VWA8: variants seen among roughly 807,000 people sequenced by gnomAD.
The protein encoded by VWA8 is von Willebrand factor A domain containing 8, also known as von Willebrand factor A domain-containing protein 8.
Under a neutral mutation model 241.5 loss-of-function variants are expected in VWA8, and 221 were observed. That is an observed-to-expected ratio of 0.91 (90% CI 0.82 to 1.02). The LOEUF is 1.02. Ranked by LOEUF, VWA8 falls within the 50% of genes least tolerant of loss-of-function variation. VWA8 has a pLI of 0.00. For synonymous variants in VWA8, 852 were observed against 827.1 expected (o/e 1.03, Z -0.52); for missense variants, 2,322 against 2,328.7 (o/e 1.00, Z 0.06).
intron 2 of VWA8, among the ~76,000 whole-genome samples, chr13:41,947,228 G>C (rs772348026): frequency 2.0e-5 from 3 of 152,154 alleles, no homozygotes; most frequent in Non-Finnish European, 2.9e-5. Context: ...ACATATCATT[G>C]ATTTATTTTT....
At position 41,604,199 on chromosome 13, in the gene VWA8, G is replaced by C. The variant is rs571304905; in HGVS notation, c.4986+969C>G. On this transcript the variant is annotated intron_variant, in intron 40 of 44. Transcript: ENST00000379310. The stretch of plus-strand genomic sequence containing the variant: ...CTGGTGCTCTCAATGTCCAGGGAAA[G>C]GAACACTTGTCAAATGAGTGACTAT... Among the ~76,000 whole-genome samples, 91 of 152,212 alleles carry C rather than the reference G, an allele frequency of 6.0e-4. 1 individual carries two copies. The highest frequency in any genetic ancestry group is 1.9e-3 in the African/African-American group (79 of 41,534).
rs907104657 is a variant in VWA8 at position 41,872,150 on chromosome 13, GTTGT to G, written c.1081-3677_1081-3674del. ...TGTCCTTCACCCACTTTTTGATGGG[GTTGT>G]TTGTTTTTTTCTTGTAAATTTGTTT... On this transcript the variant is annotated intron_variant, in intron 9 of 44. Transcript: ENST00000379310. 4.8e-3 allele frequency among the ~76,000 whole-genome samples: 736 copies of G among 152,228 alleles called. 5 individuals carry two copies. The highest frequency in any genetic ancestry group is 0.016 in the African/African-American group (679 of 41,538).
At chr13:41,825,562 C>T (rs73183400) in intron 14 of VWA8, among the ~76,000 whole-genome samples, 1,864 of 152,164 alleles carry the variant, frequency 0.012, 12 homozygotes, top group East Asian at 0.02. Context: ...AGTGATACCC[C>T]CCGAGCATCG....
chr13:41,752,445 A>C (rs2045663252), intron 21 of VWA8, among the ~76,000 whole-genome samples: 1 of 152,162 alleles, frequency 6.6e-6, no homozygotes, highest in Admixed American at 6.6e-5. Flanking sequence ...CTGACAAGCA[A>C]GCTGTACTAG....
At chr13:41,743,402 C>G (rs1404354632) in intron 21 of VWA8, among the ~76,000 whole-genome samples, 1 of 152,194 alleles carries the variant, frequency 6.6e-6, no homozygotes, top group East Asian at 1.9e-4. Flanking sequence ...GTCCCATTAG[C>G]TGTTGGCTGT....
intron 37 of VWA8, among the ~76,000 whole-genome samples, chr13:41,666,437 G>A (rs2044986631): frequency 6.6e-6 from 1 of 152,058 alleles, no homozygotes; most frequent in African/African-American, 2.4e-5. Context: ...TTGCTGTTAG[G>A]TAACTGCCAT....
intron 37 of VWA8, among the ~76,000 whole-genome samples, chr13:41,626,638 T>C (rs9594591): frequency 0.039 from 5,865 of 152,258 alleles, 372 homozygotes; most frequent in African/African-American, 0.13. Flanking sequence ...ATCTGATATT[T>C]GACAAAGCCA....
Position 41,833,454 on chromosome 13 carries a change from AAGGGGTGAGGACCGC to A in VWA8, c.1488_1502del (p.Trp496_Leu501delinsCys). ...GCTTGCCTTCCAGAGCAGCATTCAC[AAGGGGTGAGGACCGC>A]CAGGCAGTGTCTCCATTTGGAAGGG... On this transcript the variant is annotated inframe_deletion, in exon 13 of 45. Transcript: ENST00000379310. 6.2e-7 allele frequency: 1 copy of A among 1,614,032 alleles called. No homozygotes were observed.
chr13:41,838,698 A>G (rs987798771), intron 12 of VWA8, among the ~76,000 whole-genome samples: 3 of 152,194 alleles, frequency 2.0e-5, no homozygotes, highest in Admixed American at 6.5e-5. Flanking sequence ...TGAACAGTCT[A>G]AAATTTGAAT....
chr13:41,639,870 C>A (rs2044784207), intron 37 of VWA8, among the ~76,000 whole-genome samples: 1 of 152,086 alleles, frequency 6.6e-6, no homozygotes, highest in Non-Finnish European at 1.5e-5. Flanking sequence ...GTACACCAAA[C>A]CCCAGTGACA....
At chr13:41,841,832 TA>T (rs1872058739) in intron 12 of VWA8, among the ~76,000 whole-genome samples, 1 of 67,828 alleles carries the variant, frequency 1.5e-5, no homozygotes, top group African/African-American at 7.9e-5. Context: ...TATATATATA[TA>T]TATATATATA....
intron 42 of VWA8, among the ~76,000 whole-genome samples, chr13:41,579,376 C>T (rs1051324683): frequency 2.6e-5 from 4 of 152,208 alleles, no homozygotes; most frequent in African/African-American, 9.7e-5. Flanking sequence ...TAACCTATAG[C>T]ATTAGCTGGC....
chr13:41,838,673 T>C (rs1383779353), intron 12 of VWA8, among the ~76,000 whole-genome samples: 1 of 152,146 alleles, frequency 6.6e-6, no homozygotes, highest in Admixed American at 6.5e-5. Flanking sequence ...GAAAAAATAA[T>C]ATGCAAAATA....
In VWA8 at chr13:41,632,868, CA is replaced by C. The variant is rs1224010013; in HGVS notation, c.4612-17785del. On this transcript the variant is annotated intron_variant, in intron 37 of 44. Coordinates refer to ENST00000379310, the MANE Select transcript of VWA8 (RefSeq NM_015058.2). ...ATACTTTTTGACAGTCACTATGGTTCAAAACTATTTGTAAGAATACAAAATA... is the reference window on the plus strand; with the variant it reads ...ATACTTTTTGACAGTCACTATGGTTCAAACTATTTGTAAGAATACAAAATA... Among the ~76,000 whole-genome samples the C allele has an allele frequency of 2.6e-5, 4 of 152,206 alleles. No homozygotes were observed. The East Asian group carries it at 5.8e-4, about 22-fold the overall frequency.
intron 37 of VWA8, among the ~76,000 whole-genome samples, chr13:41,622,378 C>T (rs949619939): frequency 6.6e-6 from 1 of 152,066 alleles, no homozygotes; most frequent in Admixed American, 6.6e-5. Context: ...CTTTCATGTG[C>T]GTGTTGAAAA....
chr13:41,808,740 T>A (rs1449496456), intron 17 of VWA8, among the ~76,000 whole-genome samples: 4 of 152,050 alleles, frequency 2.6e-5, no homozygotes, highest in Non-Finnish European at 5.9e-5. Context: ...AACACAGTAG[T>A]GGAAAACCTA....
At position 41,590,653 on chromosome 13, in the gene VWA8, T is replaced by C. The variant is rs2044448271; in HGVS notation, c.5099A>G (p.Glu1700Gly). 1.2e-6 allele frequency: 2 copies of C among 1,614,072 alleles called. No individual in the cohort carries two copies. The highest frequency in any genetic ancestry group is 4.5e-5 in the East Asian group (2 of 44,880). Residue 1700 changes from glutamate (E) to glycine (G), a missense_variant, in exon 41 of 45, where the codon GAG (glutamate) becomes GGG (glycine). Physicochemically the swap from Glu to Gly is moderately conservative, Grantham distance 98. Transcript: ENST00000379310. ...ACCATGACTTACTTGTGGCTCCAGC[T>C]CACCCCGACGTTTGTAGATGGCTTT... is the stretch of plus-strand genomic sequence containing the variant. ...GEKAIYKRRGELEPQLGSPQQ... is the reference protein window; with the variant it reads ...GEKAIYKRRGGLEPQLGSPQQ...
intron 9 of VWA8, among the ~76,000 whole-genome samples, chr13:41,877,027 T>C (rs1046165924): frequency 6.6e-6 from 1 of 152,098 alleles, no homozygotes; most frequent in African/African-American, 2.4e-5. Context: ...AGTATTTATC[T>C]TTAATATCAA....
rs373638942 is a variant in VWA8, at chr13:41,868,353, G to A, written c.1205C>T (p.Thr402Ile). The A allele has an allele frequency of 5.6e-6, 9 of 1,613,872 alleles. No homozygotes were observed. The highest frequency in any genetic ancestry group is 7.6e-6 in the Non-Finnish European group (9 of 1,179,952). The change falls in exon 10 of 45, where the codon ACC becomes ATC. Residue 402 changes from threonine to isoleucine, a missense_variant. Physicochemically the swap from Thr to Ile is moderately conservative, Grantham distance 89. Coordinates refer to ENST00000379310, the MANE Select transcript of VWA8 (RefSeq NM_015058.2). The part of the protein sequence containing the change: ...VTIRIADKEV[T>I]IKVPAGTRLL... ...AAACCTGTGATTAATTACCTTAATG[G>A]TCACCTCTTTATCTGCAATCCGGAT...
Sources: allele counts gnomAD v4.1 joint callset (sites outside exome capture counted in the v4.1 genomes callset), GRCh38; gene constraint gnomAD v4.1.1; transcripts MANE v1.5; gene names NCBI Gene and HGNC (gene_info 2026-07-23, HGNC 2026-07-21).